UNC13C: variants seen among roughly 807,000 people sequenced by gnomAD.
The protein encoded by UNC13C is protein unc-13 homolog C.
UNC13C carries 174 observed loss-of-function variants against 245.4 expected under a neutral mutation model. The observed-to-expected ratio is 0.71, with a 90% CI of 0.63 to 0.80. The LOEUF (loss-of-function observed/expected upper bound fraction) is 0.80. Among genes scored for constraint, UNC13C ranks in the 30% least tolerant of loss-of-function variants. The probability of loss-of-function intolerance (pLI) is 0.00; values close to 1 mark genes in which losing one functional copy is unlikely to be tolerated. For synonymous variants in UNC13C, 992 were observed against 895.1 expected, an observed-to-expected ratio of 1.11 and a Z score of -1.93; for missense variants, 2,829 against 2,602.9, an observed-to-expected ratio of 1.09 and a Z score of -1.89.
the UNC13C span, among the ~76,000 whole-genome samples, chr15:53,859,528 CAG>C: frequency 6.6e-6 from 1 of 152,000 alleles, no homozygotes; most frequent in African/African-American, 2.4e-5. Flanking sequence ...TTTTATAAAA[CAG>C]AGGGTATTAA....
intron 10 of UNC13C, among the ~76,000 whole-genome samples, chr15:54,280,669 CATATACAT>C (rs1326436725): frequency 1.0e-4 from 14 of 139,906 alleles, no homozygotes; most frequent in Admixed American, 4.3e-4. Context: ...TATATACATA[CATATACAT>C]ATATACATAT....
intron 19 of UNC13C, among the ~76,000 whole-genome samples, chr15:54,481,856 G>T (rs1893137313): frequency 6.6e-6 from 1 of 152,130 alleles, no homozygotes; most frequent in Non-Finnish European, 1.5e-5. Flanking sequence ...GCCTCCAGAT[G>T]ACCTGTGTGG....
chr15:54,561,340 A>G (rs1897291452), intron 29 of UNC13C, among the ~76,000 whole-genome samples: 1 of 152,066 alleles, frequency 6.6e-6, no homozygotes, highest in Non-Finnish European at 1.5e-5. Context: ...TGATCCAAAT[A>G]CTAATTGAGG....
chr15:54,550,174 G>A (rs1044188511), intron 28 of UNC13C, among the ~76,000 whole-genome samples: 1 of 152,092 alleles, frequency 6.6e-6, no homozygotes, highest in African/African-American at 2.4e-5. Context: ...GAACTTGACT[G>A]GCTAAAATAC....
intron 17 of UNC13C, among the ~76,000 whole-genome samples, chr15:54,390,652 A>T (rs1159593270): frequency 6.6e-6 from 1 of 152,092 alleles, no homozygotes; most frequent in East Asian, 1.9e-4. Flanking sequence ...AACATTATTC[A>T]TAGTAATGTT....
At chr15:53,920,560 TAATA>T in the UNC13C span, among the ~76,000 whole-genome samples, 14 of 151,916 alleles carry the variant, frequency 9.2e-5, no homozygotes, top group African/African-American at 1.7e-4. Flanking sequence ...TCAAAAATAA[TAATA>T]AATAAAAAGC....
intron 19 of UNC13C, among the ~76,000 whole-genome samples, chr15:54,489,754 T>C (rs1458254322): frequency 6.6e-6 from 1 of 152,190 alleles, no homozygotes; most frequent in Non-Finnish European, 1.5e-5. Flanking sequence ...ATTTCTGTAC[T>C]ACAAGTCACT....
At chr15:53,866,327 G>A in the UNC13C span, among the ~76,000 whole-genome samples, 3 of 152,076 alleles carry the variant, frequency 2.0e-5, no homozygotes, top group Admixed American at 6.6e-5. Flanking sequence ...AACTAATGAA[G>A]ATAAAAGCAA....
chr15:54,176,446 C>T (rs1353250313), intron 4 of UNC13C, among the ~76,000 whole-genome samples: 2 of 152,100 alleles, frequency 1.3e-5, no homozygotes, highest in African/African-American at 4.8e-5. Flanking sequence ...TACCTTGGCC[C>T]TGTAATCTAC....
At chr15:54,622,034 T>C (rs767412261) in intron 30 of UNC13C, among the ~76,000 whole-genome samples, 4 of 152,106 alleles carry the variant, frequency 2.6e-5, no homozygotes, top group Non-Finnish European at 1.5e-5. Flanking sequence ...TATAACTTCA[T>C]TAAGTGGCTA....
At chr15:54,050,688 G>A (rs11855518) in intron 2 of UNC13C, 444,628 of 531,380 alleles carry the variant, frequency 0.84, 186,806 homozygotes, top group African/African-American at 0.9. Flanking sequence ...TTTGGAAACC[G>A]GTGAAGATCT....
intron 23 of UNC13C, among the ~76,000 whole-genome samples, chr15:54,509,538 T>A (rs978680842): frequency 2.6e-5 from 4 of 152,102 alleles, no homozygotes; most frequent in African/African-American, 4.8e-5. Flanking sequence ...TGAGATAAAA[T>A]TAAAGGTATT....
intron 16 of UNC13C, 134 bp from the exon 17 acceptor site, chr15:54,338,227 A>G: frequency 9.6e-7 from 1 of 1,037,826 alleles, no homozygotes; most frequent in South Asian, 2.5e-5. Flanking sequence ...ATTTAAAACC[A>G]CATGGTAAGA....
chr15:54,147,344 T>C (rs536385381), intron 4 of UNC13C, among the ~76,000 whole-genome samples: 1 of 151,908 alleles, frequency 6.6e-6, no homozygotes, highest in African/African-American at 2.4e-5. Context: ...CTCAGCCTCC[T>C]GAGTAGCTGG....
intron 17 of UNC13C, among the ~76,000 whole-genome samples, chr15:54,366,215 T>C (rs1226245545): frequency 6.6e-6 from 1 of 152,222 alleles, no homozygotes; most frequent in Non-Finnish European, 1.5e-5. Flanking sequence ...ACATTTCATC[T>C]ACATATAATT....
chr15:54,392,955 C>A (rs2039989254), intron 17 of UNC13C, 93 bp from the exon 18 acceptor site: 1 of 1,353,658 alleles, frequency 7.4e-7, no homozygotes, highest in African/African-American at 1.5e-5. Context: ...TTTCCACAAT[C>A]ATTTTTCTTT....
At chr15:54,104,097 T>C (rs764612206) in intron 2 of UNC13C, among the ~76,000 whole-genome samples, 6 of 152,232 alleles carry the variant, frequency 3.9e-5, no homozygotes, top group Admixed American at 2.0e-4. Flanking sequence ...TTCATGGTCC[T>C]TGGGCCTCTC....
intron 19 of UNC13C, among the ~76,000 whole-genome samples, chr15:54,462,562 C>A (rs1322330379): frequency 6.6e-6 from 1 of 152,218 alleles, no homozygotes; most frequent in East Asian, 1.9e-4. Flanking sequence ...CTGGCCAGTG[C>A]CCCCGGCCCC....
intron 2 of UNC13C, among the ~76,000 whole-genome samples, chr15:54,063,329 G>A (rs995920626): frequency 2.0e-5 from 3 of 152,168 alleles, no homozygotes; most frequent in Non-Finnish European, 4.4e-5. Flanking sequence ...TAAGAGGTGT[G>A]TGGTGGGGAA....
Sources: allele counts gnomAD v4.1 joint callset (sites outside exome capture counted in the v4.1 genomes callset), GRCh38; gene constraint gnomAD v4.1.1; transcripts MANE v1.5; gene names NCBI Gene and HGNC (gene_info 2026-07-23, HGNC 2026-07-21).